Variants in DPH6 observed in about 807,000 individuals in gnomAD.
DPH6 encodes the protein diphthine--ammonia ligase.
A neutral mutation model predicts 38.2 loss-of-function variants in DPH6; 33 were observed. That is an observed-to-expected ratio of 0.86 (90% confidence interval 0.65 to 1.15). The LOEUF (loss-of-function observed/expected upper bound fraction) is 1.15. Among genes scored for constraint, DPH6 ranks in the 50% most tolerant of loss-of-function variants. DPH6 has a pLI of 0.00. For synonymous variants in DPH6, 108 were observed against 103.0 expected (o/e 1.05, Z -0.30); for missense variants, 325 against 320.0 (o/e 1.02, Z -0.12).
At chr15:35,175,841 C>T in the DPH6 span, among the ~76,000 whole-genome samples, 2 of 152,158 alleles carry the variant, frequency 1.3e-5, no homozygotes, top group African/African-American at 4.8e-5. Context: ...GCTTTGCACA[C>T]AAAAAATAAA....
the DPH6 span, among the ~76,000 whole-genome samples, chr15:35,177,416 AAATAAT>A: frequency 5.8e-5 from 8 of 137,670 alleles, no homozygotes; most frequent in African/African-American, 2.1e-4. Flanking sequence ...CTCTCTACAA[AAATAAT>A]AATAATAATA....
the DPH6 span, among the ~76,000 whole-genome samples, chr15:35,194,020 T>C: frequency 6.6e-6 from 1 of 152,192 alleles, no homozygotes; most frequent in Non-Finnish European, 1.5e-5. Flanking sequence ...TAATTGACTT[T>C]TGCTCAGAGC....
chr15:35,342,018 T>C (rs1361669446), intron 3 of DPH6, among the ~76,000 whole-genome samples: 1 of 152,172 alleles, frequency 6.6e-6, no homozygotes, highest in East Asian at 1.9e-4. Flanking sequence ...CCACAGGAAC[T>C]CGGTCCCATC....
At chr15:35,315,868 C>T (rs535497253) in intron 3 of DPH6, among the ~76,000 whole-genome samples, 2 of 152,084 alleles carry the variant, frequency 1.3e-5, no homozygotes, top group African/African-American at 2.4e-5. Context: ...GCAAAAAAGG[C>T]CCAAATCCTG....
intron 3 of DPH6, among the ~76,000 whole-genome samples, chr15:35,515,994 C>T (rs549968096): frequency 1.3e-5 from 2 of 152,038 alleles, no homozygotes; most frequent in Non-Finnish European, 2.9e-5. Context: ...ACTCAAAAGA[C>T]CCTTTAGAAA....
At chr15:35,355,222 G>T (rs1238891377) in intron 3 of DPH6, among the ~76,000 whole-genome samples, 1 of 152,062 alleles carries the variant, frequency 6.6e-6, no homozygotes, top group African/African-American at 2.4e-5. Flanking sequence ...ACACTGATGG[G>T]TCTTGACTCT....
chr15:35,512,682 G>T (rs996365229), intron 3 of DPH6, among the ~76,000 whole-genome samples: 1 of 151,880 alleles, frequency 6.6e-6, no homozygotes, highest in African/African-American at 2.4e-5. Flanking sequence ...TTCACGAAAT[G>T]CCAGGAATTA....
At chr15:35,324,371 T>C (rs2052265678) in intron 3 of DPH6, among the ~76,000 whole-genome samples, 1 of 152,112 alleles carries the variant, frequency 6.6e-6, no homozygotes, top group African/African-American at 2.4e-5. Flanking sequence ...GAGGGAAAGA[T>C]AAACTCTATT....
At chr15:35,190,536 C>T in the DPH6 span, among the ~76,000 whole-genome samples, 7 of 152,168 alleles carry the variant, frequency 4.6e-5, no homozygotes, top group African/African-American at 9.7e-5. Context: ...TGCATTGGAA[C>T]GCAGGGTCTT....
chr15:35,447,767 C>G (rs2053874717), intron 5 of DPH6, among the ~76,000 whole-genome samples: 1 of 151,972 alleles, frequency 6.6e-6, no homozygotes, highest in African/African-American at 2.4e-5. Flanking sequence ...CAACTTTAAA[C>G]TCGAGCCTAG....
intron 3 of DPH6, among the ~76,000 whole-genome samples, chr15:35,272,750 A>G (rs992189185): frequency 6.6e-6 from 1 of 152,024 alleles, no homozygotes. Context: ...TCTACCAAAA[A>G]TAGAAAAATT....
intron 3 of DPH6, among the ~76,000 whole-genome samples, chr15:35,342,966 C>A (rs963395024): frequency 6.6e-6 from 1 of 152,176 alleles, no homozygotes; most frequent in Admixed American, 6.5e-5. Flanking sequence ...TCACCCACTT[C>A]TTCTTACCCT....
At chr15:35,215,345 A>T, downstream of DPH6, among the ~76,000 whole-genome samples, 1 of 152,204 alleles carries the variant, frequency 6.6e-6, no homozygotes, top group Non-Finnish European at 1.5e-5. Flanking sequence ...CACAGATTTA[A>T]CATAGAATAA....
intron 3 of DPH6, among the ~76,000 whole-genome samples, chr15:35,233,144 C>A (rs998644116): frequency 6.6e-6 from 1 of 151,884 alleles, no homozygotes; most frequent in Non-Finnish European, 1.5e-5. Context: ...CCCGTCTCTA[C>A]TAAAAATAAA....
rs192679747 is a variant in DPH6, at chr15:35,299,135, A to C, written n.200+74386T>G. The C allele has an allele frequency of 7.5e-3, 8,370 of 1,111,748 alleles. 34 individuals are homozygous for C. The highest frequency in any genetic ancestry group is 9.7e-3 in the Non-Finnish European group (7,228 of 745,202). 68.9% of individuals were successfully genotyped at this position (1,111,748 alleles called of 1,614,324 possible). On this transcript the variant is annotated intron_variant and non_coding_transcript_variant, in intron 3 of 3. Transcript: ENST00000560386. ...TCACTACTTTCTTACAATCGTTAGG[A>C]AACATAGGATCATATTCGTCAGCTA...
chr15:35,172,769 G>A, the DPH6 span, among the ~76,000 whole-genome samples: 1 of 152,128 alleles, frequency 6.6e-6, no homozygotes, highest in South Asian at 2.1e-4. Flanking sequence ...ATAGTGCACT[G>A]TAGTCTTGAA....
intron 6 of DPH6, among the ~76,000 whole-genome samples, chr15:35,397,396 T>C (rs2140970273): frequency 6.6e-6 from 1 of 152,342 alleles, no homozygotes; most frequent in African/African-American, 2.4e-5. Flanking sequence ...TCTCAAAGAA[T>C]AACTGCTACT....
intron 3 of DPH6, among the ~76,000 whole-genome samples, chr15:35,261,765 C>T (rs982297641): frequency 1.9e-4 from 29 of 151,056 alleles, no homozygotes; most frequent in Middle Eastern, 3.4e-3. Context: ...CCCAGGAGGT[C>T]GAGGCTTCAG....
intron 6 of DPH6, among the ~76,000 whole-genome samples, chr15:35,386,630 G>A (rs891789096): frequency 1.3e-5 from 2 of 152,176 alleles, no homozygotes; most frequent in Non-Finnish European, 2.9e-5. Context: ...TTTTTTGACT[G>A]CATAAATGTC....
Sources: allele counts gnomAD v4.1 joint callset (sites outside exome capture counted in the v4.1 genomes callset), GRCh38; gene constraint gnomAD v4.1.1; transcripts MANE v1.5; gene names NCBI Gene and HGNC (gene_info 2026-07-23, HGNC 2026-07-21).